The following RMND1 variants were observed in gnomAD, a reference collection of about 807,000 sequenced individuals.
RMND1 encodes the protein required for meiotic nuclear division 1 homolog, also known as required for meiotic nuclear division protein 1 homolog.
RMND1 carries 41 observed loss-of-function variants against 54.0 expected under a neutral mutation model. That is an observed-to-expected ratio of 0.76 (90% CI 0.59 to 0.98). RMND1 has a LOEUF of 0.98. Ranked by LOEUF, RMND1 falls within the 50% of genes least tolerant of loss-of-function variation. The probability of loss-of-function intolerance (pLI) is 0.00; values close to 1 mark genes in which losing one functional copy is unlikely to be tolerated. For missense variants in RMND1, 457 were observed against 532.0 expected, an observed-to-expected ratio of 0.86 and a Z score of 1.39; for synonymous variants, 183 against 181.7, an observed-to-expected ratio of 1.01 and a Z score of -0.06.
chr6:151,436,381 T>C (rs1420093925), intron 3 of RMND1, 65 bp downstream of exon 3: 170 of 1,584,140 alleles, frequency 1.1e-4, no homozygotes, highest in Non-Finnish European at 1.5e-4. Context: ...ATACTTAAGA[T>C]AGTATCATAG....
In RMND1 at chr6:151,445,441, TTTAA is replaced by T; in HGVS notation, c.367_370del (p.Leu123ArgfsTer21). ...CGTTGATACAGATGAGAAATGCCTC[TTTAA>T]TATTTTTATAAACCATTTAGAACCC... is the stretch of plus-strand genomic sequence containing the variant. On this transcript the variant is annotated frameshift_variant, in exon 2 of 12. Transcript: ENST00000444024. LOFTEE classifies it high-confidence loss of function. 1 of 1,614,230 alleles carries T rather than the reference TTTAA, an allele frequency of 6.2e-7. No individual in the cohort carries two copies. Among genetic ancestry groups the T allele is most frequent in the South Asian group, 1.1e-5 (1 of 91,088 alleles).
intron 9 of RMND1, among the ~76,000 whole-genome samples, chr6:151,420,199 G>C (rs1223779809): frequency 1.3e-5 from 2 of 152,090 alleles, no homozygotes; most frequent in African/African-American, 4.8e-5. Flanking sequence ...AAGAGAACAG[G>C]AGAGAAGAAT....
At chr6:151,422,669 TAA>T in intron 7 of RMND1, 64 bp from the exon 8 acceptor site, 2 of 702,046 alleles carry the variant, frequency 2.8e-6, no homozygotes, top group Non-Finnish European at 4.7e-6. Flanking sequence ...ATAAAATACA[TAA>T]TTGCACAGCA....
chr6:151,405,550 T>C (rs1779583461), intron 11 of RMND1, among the ~76,000 whole-genome samples, 170 bp downstream of exon 11: 1 of 152,234 alleles, frequency 6.6e-6, no homozygotes. Context: ...AGAATTACTT[T>C]TAATGCATTT....
chr6:151,448,777 C>A (rs894021498), intron 1 of RMND1, among the ~76,000 whole-genome samples: 1 of 152,206 alleles, frequency 6.6e-6, no homozygotes, highest in African/African-American at 2.4e-5. Flanking sequence ...TGTGGCTTCA[C>A]GGTTCACTTA....
intron 6 of RMND1, among the ~76,000 whole-genome samples, chr6:151,424,218 C>T (rs55825889): frequency 3.3e-5 from 5 of 151,840 alleles, no homozygotes; most frequent in African/African-American, 4.8e-5. Flanking sequence ...CCCAGCACTC[C>T]GGGAGGCCGA....
intron 10 of RMND1, among the ~76,000 whole-genome samples, chr6:151,413,062 C>G (rs9397404): frequency 0.21 from 32,342 of 151,964 alleles, 3,941 homozygotes; most frequent in East Asian, 0.52. Flanking sequence ...AGCTTCTGGA[C>G]ATCAGCTTAT....
chr6:151,425,451 TACACACAC>T (rs375187928), intron 6 of RMND1, among the ~76,000 whole-genome samples: 1 of 150,210 alleles, frequency 6.7e-6, no homozygotes, highest in Admixed American at 6.6e-5. Flanking sequence ...TGGATAAGCG[TACACACAC>T]ACACACACAA....
intron 6 of RMND1, among the ~76,000 whole-genome samples, chr6:151,425,119 T>A (rs988909097): frequency 6.6e-6 from 1 of 152,158 alleles, no homozygotes; most frequent in Non-Finnish European, 1.5e-5. Flanking sequence ...ATTTTTATAT[T>A]TGTAGTACAG....
chr6:151,440,224 G>A (rs912139910), intron 2 of RMND1, among the ~76,000 whole-genome samples: 9 of 152,236 alleles, frequency 5.9e-5, no homozygotes, highest in Admixed American at 5.2e-4. Context: ...CAAGTGCTGG[G>A]ATTACAGGCG....
chr6:151,437,107 C>T (rs545380615), intron 2 of RMND1, among the ~76,000 whole-genome samples: 2 of 152,314 alleles, frequency 1.3e-5, no homozygotes, highest in Admixed American at 6.5e-5. Context: ...TTGTCTCATG[C>T]CCCATCTTGC....
intron 10 of RMND1, among the ~76,000 whole-genome samples, chr6:151,409,664 C>T (rs553880852): frequency 2.2e-4 from 33 of 152,152 alleles, no homozygotes; most frequent in African/African-American, 7.7e-4. Context: ...TAAAAGGATG[C>T]GACGAGATAT....
intron 9 of RMND1, chr6:151,420,561 A>T (rs1219571132): frequency 6.6e-6 from 1 of 152,216 alleles, no homozygotes; most frequent in Non-Finnish European, 1.5e-5. Flanking sequence ...CTTTCCAGAT[A>T]CTTATTTAAA....
intron 4 of RMND1, among the ~76,000 whole-genome samples, chr6:151,431,750 G>A (rs987303310): frequency 1.3e-5 from 2 of 152,080 alleles, no homozygotes; most frequent in East Asian, 1.9e-4. Context: ...TTAATTACAT[G>A]TTGAAATGAT....
intron 5 of RMND1, among the ~76,000 whole-genome samples, chr6:151,429,535 G>GT (rs370375826): frequency 0.13 from 19,886 of 152,154 alleles, 1,411 homozygotes; most frequent in Middle Eastern, 0.19. Context: ...GTATATGGAT[G>GT]ATTTAACAAA....
intron 2 of RMND1, 61 bp downstream of exon 2, chr6:151,445,247 A>G: frequency 1.3e-6 from 2 of 1,527,572 alleles, no homozygotes; most frequent in South Asian, 2.6e-5. Flanking sequence ...GGTGCAACGC[A>G]CACTGGTTTA....
chr6:151,428,571 AC>A (rs1780370125), intron 5 of RMND1, among the ~76,000 whole-genome samples: 1 of 152,190 alleles, frequency 6.6e-6, no homozygotes. Flanking sequence ...TCACCTTGTC[AC>A]CCAGGCTGGA....
intron 2 of RMND1, chr6:151,445,092 T>C (rs1780913135): frequency 4.1e-6 from 2 of 492,234 alleles, no homozygotes; most frequent in East Asian, 3.0e-5. Flanking sequence ...TTTTCATGTG[T>C]TATCACCTGT....
intron 2 of RMND1, among the ~76,000 whole-genome samples, chr6:151,437,719 T>A (rs998206285): frequency 6.6e-6 from 1 of 152,192 alleles, no homozygotes; most frequent in African/African-American, 2.4e-5. Context: ...TAGAGAAGTA[T>A]ATATTAATTC....
Sources: allele counts gnomAD v4.1 joint callset (sites outside exome capture counted in the v4.1 genomes callset), GRCh38; gene constraint gnomAD v4.1.1; transcripts MANE v1.5; gene names NCBI Gene and HGNC (gene_info 2026-07-23, HGNC 2026-07-21).